Variants in ZBTB7C observed in about 807,000 individuals in gnomAD.
ZBTB7C encodes zinc finger and BTB domain containing 7C.
In ZBTB7C, 8 loss-of-function variants were observed where a neutral mutation model predicts 25.7. That is an observed-to-expected ratio of 0.31 (90% CI 0.18 to 0.56). The LOEUF is 0.56. Among genes scored for constraint, ZBTB7C ranks in the 20% least tolerant of loss-of-function variants. The pLI is 0.91. For missense variants in ZBTB7C, 824 were observed against 855.2 expected, an observed-to-expected ratio of 0.96 and a Z score of 0.46; for synonymous variants, 394 against 369.0, an observed-to-expected ratio of 1.07 and a Z score of -0.78.
At chr18:48,188,716 A>AG (rs2042121842) in intron 2 of ZBTB7C, among the ~76,000 whole-genome samples, 1 of 152,158 alleles carries the variant, frequency 6.6e-6, no homozygotes, top group Non-Finnish European at 1.5e-5. Flanking sequence ...CCTTCCACTT[A>AG]GCCAGTCCTA....
chr18:48,409,025 G>A (rs1175731620), intron 1 of ZBTB7C, among the ~76,000 whole-genome samples: 1 of 150,632 alleles, frequency 6.6e-6, no homozygotes, highest in Non-Finnish European at 1.5e-5. Flanking sequence ...CGCGGAGGGC[G>A]CCCCTGCTCC....
chr18:48,241,267 C>T (rs1393735592), intron 2 of ZBTB7C, among the ~76,000 whole-genome samples: 1 of 152,172 alleles, frequency 6.6e-6, no homozygotes, highest in Non-Finnish European at 1.5e-5. Flanking sequence ...GACTTCAATA[C>T]TCCACTGACA....
intron 3 of ZBTB7C, among the ~76,000 whole-genome samples, chr18:48,044,540 GCCCCT>G (rs1239344340): frequency 1.3e-5 from 2 of 152,256 alleles, no homozygotes; most frequent in Admixed American, 1.3e-4. Context: ...CCAGCAAGCA[GCCCCT>G]GGAGGCCTGG....
chr18:48,055,519 G>C (rs2036880846), intron 3 of ZBTB7C, among the ~76,000 whole-genome samples: 1 of 152,052 alleles, frequency 6.6e-6, no homozygotes, highest in Admixed American at 6.5e-5. Context: ...GGCTGTCTGG[G>C]GAGGGAGGGC....
intron 2 of ZBTB7C, among the ~76,000 whole-genome samples, chr18:48,324,437 A>AACATCTATTTACAACTGTAAATAAATGAG (rs1271365624): frequency 7.2e-4 from 110 of 152,186 alleles, no homozygotes; most frequent in African/African-American, 1.8e-3. Flanking sequence ...TTAGGAATTA[A>AACATCTATTTACAACTGTAAATAAATGAG]ACATCTATTT....
chr18:48,369,248 A>G (rs9989580), intron 1 of ZBTB7C, among the ~76,000 whole-genome samples: 10 of 152,208 alleles, frequency 6.6e-5, no homozygotes, highest in Non-Finnish European at 1.3e-4. Flanking sequence ...GATAATGTAC[A>G]CATAATGTAA....
intron 3 of ZBTB7C, among the ~76,000 whole-genome samples, chr18:48,110,831 C>T (rs536302921): frequency 7.2e-5 from 11 of 152,220 alleles, no homozygotes; most frequent in South Asian, 2.1e-4. Flanking sequence ...CAGGATGAGG[C>T]GGTGACTGGA....
intron 2 of ZBTB7C, among the ~76,000 whole-genome samples, chr18:48,215,926 T>C (rs753966607): frequency 6.6e-6 from 1 of 152,276 alleles, no homozygotes; most frequent in Admixed American, 6.5e-5. Context: ...TGTGATGCTA[T>C]ACTAAAGTCA....
At chr18:48,184,500 G>A (rs2042005707) in intron 3 of ZBTB7C, among the ~76,000 whole-genome samples, 2 of 152,284 alleles carry the variant, frequency 1.3e-5, no homozygotes, top group South Asian at 4.1e-4. Flanking sequence ...GCACCTATGA[G>A]GCAGTACCTT....
chr18:48,262,665 C>T (rs1475328279), intron 2 of ZBTB7C, among the ~76,000 whole-genome samples: 1 of 152,200 alleles, frequency 6.6e-6, no homozygotes, highest in African/African-American at 2.4e-5. Flanking sequence ...TCCTGTGTGA[C>T]ATACCCAACA....
chr18:48,132,004 A>G (rs1394620579), intron 3 of ZBTB7C, among the ~76,000 whole-genome samples: 1 of 152,226 alleles, frequency 6.6e-6, no homozygotes, highest in African/African-American at 2.4e-5. Flanking sequence ...GTAACTATCA[A>G]GTTACCATAT....
intron 2 of ZBTB7C, among the ~76,000 whole-genome samples, chr18:48,190,060 C>T (rs929470849): frequency 6.6e-6 from 1 of 152,148 alleles, no homozygotes; most frequent in Non-Finnish European, 1.5e-5. Flanking sequence ...TTGGCCAAGG[C>T]TTTTCCTGAC....
At chr18:48,188,130 A>G (rs1447652426) in intron 2 of ZBTB7C, among the ~76,000 whole-genome samples, 1 of 152,196 alleles carries the variant, frequency 6.6e-6, no homozygotes, top group Non-Finnish European at 1.5e-5. Flanking sequence ...GTCATTCACA[A>G]GCTTGGACAG....
chr18:48,190,758 C>T (rs2042174788), intron 2 of ZBTB7C, among the ~76,000 whole-genome samples: 1 of 152,170 alleles, frequency 6.6e-6, no homozygotes, highest in Non-Finnish European at 1.5e-5. Flanking sequence ...CAGTGCAGAG[C>T]CCACTGCAGA....
chr18:48,122,483 G>GT (rs1429503200), intron 3 of ZBTB7C, among the ~76,000 whole-genome samples: 1 of 152,184 alleles, frequency 6.6e-6, no homozygotes, highest in Non-Finnish European at 1.5e-5. Flanking sequence ...CAAGCTCCCT[G>GT]TATAAGAGGC....
chr18:48,243,484 T>C (rs2144373263), intron 2 of ZBTB7C, among the ~76,000 whole-genome samples: 1 of 152,098 alleles, frequency 6.6e-6, no homozygotes, highest in Admixed American at 6.5e-5. Context: ...GAAAGACCTC[T>C]ACAAGAAAAA....
At chr18:48,141,133 TC>T (rs1261967547) in intron 3 of ZBTB7C, among the ~76,000 whole-genome samples, 3 of 60,138 alleles carry the variant, frequency 5.0e-5, no homozygotes, top group Admixed American at 2.1e-4. Flanking sequence ...CAGATAGGCA[TC>T]CCCCCCGCAC....
At chr18:48,386,196 G>C (rs1315776474) in intron 1 of ZBTB7C, among the ~76,000 whole-genome samples, 1 of 152,206 alleles carries the variant, frequency 6.6e-6, no homozygotes, top group Non-Finnish European at 1.5e-5. Context: ...GTACAGTTGT[G>C]CTTGACTCAG....
At chr18:48,108,124 G>T (rs1353763903) in intron 3 of ZBTB7C, among the ~76,000 whole-genome samples, 2 of 152,144 alleles carry the variant, frequency 1.3e-5, no homozygotes, top group Non-Finnish European at 2.9e-5. Flanking sequence ...CAGCTGGAAG[G>T]ACCCCAAGGC....
Sources: gnomAD v4.1 joint callset for allele counts (sites outside exome capture counted in the v4.1 genomes callset) on GRCh38, gnomAD v4.1.1 for gene constraint, MANE v1.5 for transcripts, NCBI Gene and HGNC (gene_info 2026-07-23, HGNC 2026-07-21) for gene names.